The following MGAT4C variants were observed in gnomAD, a reference collection of about 807,000 sequenced individuals.
The protein encoded by MGAT4C is MGAT4 family member C.
In MGAT4C, 19 loss-of-function variants were observed where a neutral mutation model predicts 40.1. The observed-to-expected ratio is 0.47, with a 90% CI of 0.33 to 0.70. MGAT4C has a LOEUF of 0.70. Among genes scored for constraint, MGAT4C ranks in the 30% least tolerant of loss-of-function variants. The pLI, the probability that MGAT4C is intolerant of heterozygous loss-of-function variation, is 0.02. For missense variants in MGAT4C, 491 were observed against 563.2 expected (o/e 0.87, Z 1.30); for synonymous variants, 181 against 187.1 (o/e 0.97, Z 0.27).
At chr12:86,065,969 A>G (rs1894500243) in intron 1 of MGAT4C, among the ~76,000 whole-genome samples, 1 of 152,210 alleles carries the variant, frequency 6.6e-6, no homozygotes, top group African/African-American at 2.4e-5. Flanking sequence ...ATTGCTACAA[A>G]GAGAATAAAA....
chr12:86,456,049 T>A (rs1235840543), intron 2 of MGAT4C, among the ~76,000 whole-genome samples: 1 of 152,106 alleles, frequency 6.6e-6, no homozygotes, highest in Non-Finnish European at 1.5e-5. Flanking sequence ...ACGATTAGCA[T>A]GAGAAAGTGT....
chr12:86,091,686 C>G (rs1371751761), intron 1 of MGAT4C, among the ~76,000 whole-genome samples: 1 of 152,032 alleles, frequency 6.6e-6, no homozygotes, highest in Non-Finnish European at 1.5e-5. Context: ...TGAAAAGTGA[C>G]TTAAATATAG....
At chr12:86,027,651 A>G (rs1305937019) in intron 2 of MGAT4C, among the ~76,000 whole-genome samples, 1 of 151,980 alleles carries the variant, frequency 6.6e-6, no homozygotes, top group African/African-American at 2.4e-5. Context: ...ATGAGAAATT[A>G]TCCATTTTAA....
At chr12:86,718,349 T>C (rs1260863419) in intron 2 of MGAT4C, among the ~76,000 whole-genome samples, 2 of 152,220 alleles carry the variant, frequency 1.3e-5, no homozygotes, top group African/African-American at 4.8e-5. Context: ...AATTATTTTG[T>C]TCATGAACTC....
intron 1 of MGAT4C, among the ~76,000 whole-genome samples, chr12:86,215,506 A>G (rs148080388): frequency 8.3e-4 from 126 of 152,280 alleles, no homozygotes; most frequent in South Asian, 5.2e-3. Flanking sequence ...GCCAATGATA[A>G]TAGCCAAGTT....
At chr12:86,412,729 G>T (rs1027288980) in intron 3 of MGAT4C, among the ~76,000 whole-genome samples, 2 of 152,146 alleles carry the variant, frequency 1.3e-5, no homozygotes, top group East Asian at 3.9e-4. Context: ...AGGGACAATT[G>T]TATTTTGCAA....
At chr12:86,535,270 C>T (rs1254555671) in intron 2 of MGAT4C, among the ~76,000 whole-genome samples, 1 of 152,012 alleles carries the variant, frequency 6.6e-6, no homozygotes, top group African/African-American at 2.4e-5. Context: ...ACACGTTTTA[C>T]CAATATTAAT....
intron 1 of MGAT4C, among the ~76,000 whole-genome samples, chr12:86,756,710 C>T (rs544836913): frequency 3.0e-4 from 46 of 152,198 alleles, no homozygotes; most frequent in African/African-American, 1.1e-3. Flanking sequence ...ATTCTTATTT[C>T]GCCACACCAC....
chr12:86,411,404 G>A (rs1378953217), intron 3 of MGAT4C, among the ~76,000 whole-genome samples: 6 of 152,174 alleles, frequency 3.9e-5, no homozygotes, highest in Admixed American at 3.9e-4. Flanking sequence ...TTGAAAACTG[G>A]AGTAAAGACA....
chr12:86,615,273 A>G (rs955132590), intron 2 of MGAT4C, among the ~76,000 whole-genome samples: 3 of 152,040 alleles, frequency 2.0e-5, no homozygotes, highest in Admixed American at 2.0e-4. Flanking sequence ...CATATCCCAG[A>G]ACTCTATACT....
chr12:86,087,050 A>G (rs61931143), intron 1 of MGAT4C, among the ~76,000 whole-genome samples: 11,813 of 152,044 alleles, frequency 0.078, 629 homozygotes, highest in Middle Eastern at 0.23. Flanking sequence ...TATACCCCAC[A>G]TTTTCTTTAT....
At chr12:86,044,077 G>A (rs1468267742) in intron 2 of MGAT4C, among the ~76,000 whole-genome samples, 2 of 152,142 alleles carry the variant, frequency 1.3e-5, no homozygotes, top group East Asian at 1.9e-4. Context: ...TGCCCTTAAG[G>A]GTTTGATTGT....
intron 2 of MGAT4C, among the ~76,000 whole-genome samples, chr12:85,992,931 G>A (rs1043795339): frequency 6.6e-6 from 1 of 152,206 alleles, no homozygotes; most frequent in Non-Finnish European, 1.5e-5. Context: ...GCAAACCCCA[G>A]AGGTGCCTCC....
intron 4 of MGAT4C, among the ~76,000 whole-genome samples, 170 bp downstream of exon 4, chr12:85,983,353 G>C (rs1335213652): frequency 6.6e-6 from 1 of 152,014 alleles, no homozygotes; most frequent in Non-Finnish European, 1.5e-5. Context: ...AAGTGTACTG[G>C]GTCAGTGAGT....
At chr12:86,151,315 A>AC (rs1289744313) in intron 1 of MGAT4C, among the ~76,000 whole-genome samples, 1 of 151,704 alleles carries the variant, frequency 6.6e-6, no homozygotes, top group Admixed American at 6.6e-5. Flanking sequence ...CAGCGGAAAA[A>AC]AAAAATGTTG....
At chr12:86,378,817 G>A (rs1281212366) in intron 3 of MGAT4C, among the ~76,000 whole-genome samples, 1 of 152,062 alleles carries the variant, frequency 6.6e-6, no homozygotes, top group Non-Finnish European at 1.5e-5. Context: ...GAAGTTGCAA[G>A]GTAACAGTCT....
At chr12:86,815,081 G>A (rs889536561) in intron 1 of MGAT4C, among the ~76,000 whole-genome samples, 2 of 151,846 alleles carry the variant, frequency 1.3e-5, no homozygotes, top group African/African-American at 2.4e-5. Flanking sequence ...TCAAGGTAAC[G>A]ATCATATTGT....
chr12:86,385,600 CA>C (rs1471750553), intron 3 of MGAT4C, among the ~76,000 whole-genome samples: 1 of 152,190 alleles, frequency 6.6e-6, no homozygotes, highest in Non-Finnish European at 1.5e-5. Context: ...CCTGTCTTGT[CA>C]GCCTCATCTC....
intron 1 of MGAT4C, among the ~76,000 whole-genome samples, chr12:86,074,823 G>A (rs1028865592): frequency 2.0e-5 from 3 of 152,108 alleles, no homozygotes; most frequent in Admixed American, 1.3e-4. Flanking sequence ...CAGATCTCGT[G>A]AGACTTATTT....
Sources: gnomAD v4.1 joint callset for allele counts (sites outside exome capture counted in the v4.1 genomes callset) on GRCh38, gnomAD v4.1.1 for gene constraint, MANE v1.5 for transcripts, NCBI Gene and HGNC (gene_info 2026-07-23, HGNC 2026-07-21) for gene names.